SEL1L2: variants seen among roughly 807,000 people sequenced by gnomAD.
SEL1L2 encodes the protein SEL1L2 adaptor subunit of SYVN1 ubiquitin ligase.
In SEL1L2, 89 loss-of-function variants were observed where a neutral mutation model predicts 98.8. The ratio of observed to expected loss-of-function variants is 0.90; its 90% CI spans 0.76 to 1.07. SEL1L2 has a LOEUF of 1.07. Ranked by LOEUF, SEL1L2 falls within the 50% of genes least tolerant of loss-of-function variation. The probability of loss-of-function intolerance (pLI) is 0.00; values close to 1 mark genes in which losing one functional copy is unlikely to be tolerated. For missense variants in SEL1L2, 788 were observed against 812.0 expected (o/e 0.97, Z 0.36); for synonymous variants, 262 against 278.5 (o/e 0.94, Z 0.59).
intron 5 of SEL1L2, among the ~76,000 whole-genome samples, chr20:13,889,266 G>A (rs148842977): frequency 5.9e-5 from 9 of 151,860 alleles, no homozygotes; most frequent in South Asian, 2.1e-4. Context: ...GATTACAGGC[G>A]TGAGCCACCA....
At chr20:13,971,260 G>A (rs1224287425) in intron 1 of SEL1L2, among the ~76,000 whole-genome samples, 1 of 152,066 alleles carries the variant, frequency 6.6e-6, no homozygotes, top group African/African-American at 2.4e-5. Flanking sequence ...CACCATAGAG[G>A]TCTTAAATCC....
intron 2 of SEL1L2, among the ~76,000 whole-genome samples, chr20:13,934,247 A>G (rs1386294881): frequency 1.4e-5 from 2 of 141,808 alleles, no homozygotes; most frequent in Admixed American, 1.5e-4. Context: ...GAATTACTTC[A>G]CTTAAAATAA....
chr20:13,867,261 G>A (rs6033843), intron 14 of SEL1L2, among the ~76,000 whole-genome samples: 14,259 of 152,092 alleles, frequency 0.094, 799 homozygotes, highest in African/African-American at 0.15. Context: ...CCATGACTAT[G>A]GCGTATGCAG....
intron 2 of SEL1L2, among the ~76,000 whole-genome samples, chr20:13,951,295 A>AG (rs1277259019): frequency 1.3e-4 from 13 of 96,658 alleles, no homozygotes; most frequent in Admixed American, 2.3e-4. Flanking sequence ...AAAAAAAAAA[A>AG]AAAAGAAAGA....
chr20:13,994,295 CAAAA>C (rs10557935), upstream of SEL1L2, among the ~76,000 whole-genome samples: 11 of 70,954 alleles, frequency 1.6e-4, no homozygotes, highest in African/African-American at 5.4e-4. Flanking sequence ...AACTCTGCCT[CAAAA>C]AAAAAAAAAA....
intron 5 of SEL1L2, 117 bp from the exon 6 acceptor site, chr20:13,888,629 CTT>C (rs2047062539): frequency 3.5e-6 from 1 of 288,784 alleles, no homozygotes; most frequent in Non-Finnish European, 5.9e-6. Context: ...TAATTTCTTT[CTT>C]TCTCTTTTTT....
intron 1 of SEL1L2, among the ~76,000 whole-genome samples, chr20:13,962,144 C>G (rs1372129209): frequency 6.6e-6 from 1 of 152,048 alleles, no homozygotes; most frequent in African/African-American, 2.4e-5. Flanking sequence ...ATCGTTGAGG[C>G]CTAAGGGTGG....
chr20:13,872,521 T>C (rs910429025), intron 12 of SEL1L2, among the ~76,000 whole-genome samples: 5 of 152,202 alleles, frequency 3.3e-5, no homozygotes, highest in Non-Finnish European at 7.3e-5. Context: ...AATGCTGAAC[T>C]GTGAGCCAAT....
At chr20:13,988,335 G>A (rs1291621982) in intron 1 of SEL1L2, among the ~76,000 whole-genome samples, 1 of 152,122 alleles carries the variant, frequency 6.6e-6, no homozygotes, top group African/African-American at 2.4e-5. Flanking sequence ...ATTGTGCCTA[G>A]CCTTTAAAAA....
chr20:13,890,658 A>G (rs1224372646), intron 5 of SEL1L2, among the ~76,000 whole-genome samples: 1 of 152,198 alleles, frequency 6.6e-6, no homozygotes, highest in African/African-American at 2.4e-5. Flanking sequence ...GAAAGGAACA[A>G]AATATCCTGA....
chr20:13,910,830 T>C (rs2048177748), intron 5 of SEL1L2, among the ~76,000 whole-genome samples: 1 of 152,206 alleles, frequency 6.6e-6, no homozygotes, highest in South Asian at 2.1e-4. Flanking sequence ...AGAGTAACAC[T>C]AGCTAGATGT....
At chr20:13,932,697 C>G (rs1331237840) in intron 2 of SEL1L2, among the ~76,000 whole-genome samples, 2 of 152,144 alleles carry the variant, frequency 1.3e-5, no homozygotes, top group Admixed American at 6.5e-5. Flanking sequence ...TCCCAAAGTG[C>G]CGGGATTACA....
chr20:13,860,774 T>C (rs928754788), intron 17 of SEL1L2, among the ~76,000 whole-genome samples: 2 of 152,188 alleles, frequency 1.3e-5, no homozygotes, highest in African/African-American at 4.8e-5. Context: ...TAACTATTTC[T>C]AAATTTATAT....
intron 5 of SEL1L2, among the ~76,000 whole-genome samples, chr20:13,907,739 TTTC>T (rs371492752): frequency 0.057 from 5,745 of 100,244 alleles, 137 homozygotes; most frequent in African/African-American, 0.08. Context: ...TCTTTCTTTC[TTTC>T]TTTCTTTTCT....
At chr20:13,915,731 A>G (rs878963088) in intron 4 of SEL1L2, among the ~76,000 whole-genome samples, 1 of 152,232 alleles carries the variant, frequency 6.6e-6, no homozygotes, top group African/African-American at 2.4e-5. Flanking sequence ...TAAAAGGGAT[A>G]CTAGAAGCAG....
upstream of SEL1L2, chr20:13,990,661 T>C (rs1204240090): frequency 1.5e-6 from 1 of 668,908 alleles, no homozygotes; most frequent in East Asian, 2.8e-5. Flanking sequence ...TCCTTACTCT[T>C]GGGCCAATGG....
At chr20:13,925,078 G>A (rs2048826784) in intron 3 of SEL1L2, among the ~76,000 whole-genome samples, 1 of 152,030 alleles carries the variant, frequency 6.6e-6, no homozygotes, top group Admixed American at 6.6e-5. Flanking sequence ...GAAGGAGGAT[G>A]CAGTGAGCAG....
intron 3 of SEL1L2, among the ~76,000 whole-genome samples, chr20:13,923,157 T>C (rs576540407): frequency 6.6e-6 from 1 of 152,370 alleles, no homozygotes; most frequent in East Asian, 1.9e-4. Context: ...ACATAGTATA[T>C]GAATTTGAAA....
chr20:13,926,748 T>C (rs1226509378), intron 3 of SEL1L2, among the ~76,000 whole-genome samples: 1 of 151,958 alleles, frequency 6.6e-6, no homozygotes, highest in Non-Finnish European at 1.5e-5. Context: ...AAATAATCAA[T>C]AAAATGGAAT....
Sources: allele counts gnomAD v4.1 joint callset (sites outside exome capture counted in the v4.1 genomes callset), GRCh38; gene constraint gnomAD v4.1.1; transcripts MANE v1.5; gene names NCBI Gene and HGNC (gene_info 2026-07-23, HGNC 2026-07-21).